Variants in SLC18A2 observed in about 807,000 individuals in gnomAD.
SLC18A2 encodes the protein synaptic vesicular amine transporter.
Under a neutral mutation model 59.2 loss-of-function variants are expected in SLC18A2, and 33 were observed. The ratio of observed to expected loss-of-function variants is 0.56; its 90% CI spans 0.42 to 0.75. The LOEUF is 0.75. Ranked by LOEUF, SLC18A2 falls within the 30% of genes least tolerant of loss-of-function variation. The probability of loss-of-function intolerance (pLI) is 0.00; values close to 1 mark genes in which losing one functional copy is unlikely to be tolerated. For missense variants in SLC18A2, 569 were observed against 668.6 expected (o/e 0.85, Z 1.64); for synonymous variants, 228 against 253.5 (o/e 0.90, Z 0.95).
chr10:117,244,162 C>T lies in SLC18A2; in HGVS notation c.313C>T (p.His105Tyr). 1 of 1,614,218 alleles carries T rather than the reference C, an allele frequency of 6.2e-7. No homozygotes were observed. Among genetic ancestry groups the T allele is most frequent in the South Asian group, 1.1e-5 (1 of 91,088 alleles). ...DLTLHQTATQHMVTNASAVPS... is the reference protein window; with the variant it reads ...DLTLHQTATQYMVTNASAVPS... The stretch of plus-strand genomic sequence containing the variant: ...GACACTTCATCAGACCGCCACACAG[C>T]ACATGGTGACCAACGCGTCCGCTGT... The change falls in exon 3 of 16, where the codon CAC becomes TAC. Residue 105 changes from histidine (H) to tyrosine (Y), a missense_variant. By Grantham distance (83) the His-to-Tyr change is moderately conservative. Transcript: ENST00000644641.
chr10:117,266,089 C>CAAAAAAA (rs35533634), intron 10 of SLC18A2, among the ~76,000 whole-genome samples: 1 of 72,146 alleles, frequency 1.4e-5, no homozygotes. Context: ...GACTCCATCT[C>CAAAAAAA]AAAAAAAAAA....
chr10:117,270,514 C>T (rs754262396), intron 15 of SLC18A2, 51 bp downstream of exon 15: 4 of 1,595,760 alleles, frequency 2.5e-6, no homozygotes, highest in Non-Finnish European at 3.4e-6. Flanking sequence ...TTTAGCATGG[C>T]CTTCCTGATA....
Position 117,255,616 on chromosome 10 carries a change from T to A in SLC18A2, c.854T>A (p.Leu285Gln). 6.2e-7 allele frequency: 1 copy of A among 1,614,024 alleles called. No homozygotes were observed. Among genetic ancestry groups the A allele is most frequent in the Non-Finnish European group, 8.5e-7 (1 of 1,180,004 alleles). The change falls in exon 9 of 16, where the codon CTA becomes CAA. Residue 285 changes from leucine (L) to glutamine (Q), a missense_variant. Coordinates refer to ENST00000644641, the MANE Select transcript of SLC18A2 (RefSeq NM_003054.6). ...TGACAGAGTCAGAAGGGGACACCCCTAACCACGCTGCTGAAGGACCCGTAC... is the reference window on the plus strand; with the variant it reads ...TGACAGAGTCAGAAGGGGACACCCCAAACCACGCTGCTGAAGGACCCGTAC... Reference protein sequence around the residue: ...VQPESQKGTPLTTLLKDPYIL... With the variant: ...VQPESQKGTPQTTLLKDPYIL...
Position 117,277,136 on chromosome 10 carries a change from T to C in SLC18A2, c.1441-26T>C, listed in dbSNP as rs185240716. 1.4e-5 allele frequency: 18 copies of C among 1,242,290 alleles called. No individual in the cohort carries two copies. The Admixed American group carries it at 3.3e-4, about 23-fold the overall frequency. The allele number at this position is 1,242,290 out of a possible 1,614,324, so 77.0% of individuals were successfully genotyped here. A position where few individuals can be genotyped will look rare whatever the true frequency, so the allele number is the denominator to read the frequency against. On this transcript the variant is annotated intron_variant, in intron 15 of 15. Transcript: ENST00000644641. ...TTATCTTTATGAAACAAGAAGTTAATATACTTGCACTTTGCTCTCTTTTAG... is the reference window on the plus strand; with the variant it reads ...TTATCTTTATGAAACAAGAAGTTAACATACTTGCACTTTGCTCTCTTTTAG...
intron 3 of SLC18A2, among the ~76,000 whole-genome samples, chr10:117,251,723 G>A (rs545017028): frequency 1.0e-3 from 156 of 152,310 alleles, no homozygotes; most frequent in African/African-American, 3.4e-3. Flanking sequence ...TATATATGCC[G>A]TTTGGGTACT....
At chr10:117,241,972 C>T (rs1325485728) in intron 2 of SLC18A2, 158 bp downstream of exon 2, 2 of 709,402 alleles carry the variant, frequency 2.8e-6, no homozygotes, top group Non-Finnish European at 4.4e-6. Context: ...GCTGCCGCGC[C>T]GGGGCTAGGA....
intron 6 of SLC18A2, 60 bp downstream of exon 6, chr10:117,254,557 G>T (rs940915315): frequency 7.8e-7 from 1 of 1,280,910 alleles, no homozygotes; most frequent in Non-Finnish European, 1.1e-6. Flanking sequence ...GCTGGACAGC[G>T]GCAGTCCTCG....
chr10:117,259,492 A>G (rs1242859957), intron 10 of SLC18A2, among the ~76,000 whole-genome samples: 1 of 152,148 alleles, frequency 6.6e-6, no homozygotes, highest in Non-Finnish European at 1.5e-5. Flanking sequence ...ATTGCAGAGC[A>G]TAGCCTCCCA....
chr10:117,271,020 A>T (rs1844419702), intron 15 of SLC18A2, among the ~76,000 whole-genome samples: 1 of 152,246 alleles, frequency 6.6e-6, no homozygotes, highest in Non-Finnish European at 1.5e-5. Flanking sequence ...CATAGGCAAG[A>T]TACAGAGTAT....
chr10:117,273,433 C>T (rs1187937227), intron 15 of SLC18A2, among the ~76,000 whole-genome samples: 3 of 152,106 alleles, frequency 2.0e-5, no homozygotes, highest in African/African-American at 7.2e-5. Context: ...CTTAATTTTA[C>T]TCTTGAAGTT....
Position 117,270,186 on chromosome 10 carries a change from T to C in SLC18A2, c.1302T>C (p.Ala434=). Residue 434 remains alanine (A), a synonymous_variant, in exon 14 of 16, where the codon GCT becomes GCC. Coordinates refer to ENST00000644641, the MANE Select transcript of SLC18A2 (RefSeq NM_003054.6). ...IADVAFCMGY[A]IGPSAGGAIA... is the part of the protein sequence containing the mutation. ...ATGTGGCATTTTGTATGGGGTATGC[T>C]ATAGGTAAGGACATTGGCTTTTCAT... is the stretch of plus-strand genomic sequence containing the variant. 2 of 1,614,254 alleles carry C rather than the reference T, an allele frequency of 1.2e-6. No individual in the cohort carries two copies. The highest frequency in any genetic ancestry group is 8.5e-7 in the Non-Finnish European group (1 of 1,180,034).
At chr10:117,274,337 T>C (rs1365076479) in intron 15 of SLC18A2, among the ~76,000 whole-genome samples, 4 of 152,232 alleles carry the variant, frequency 2.6e-5, no homozygotes, top group Admixed American at 2.6e-4. Context: ...GTATGCATGA[T>C]GCCAAATAGT....
chr10:117,264,176 C>G (rs1245559734), intron 10 of SLC18A2, among the ~76,000 whole-genome samples: 2 of 152,222 alleles, frequency 1.3e-5, no homozygotes, highest in African/African-American at 4.8e-5. Context: ...GAAGATCTCC[C>G]TTTGGTGAAC....
At chr10:117,273,607 C>T (rs1331464407) in intron 15 of SLC18A2, among the ~76,000 whole-genome samples, 2 of 152,160 alleles carry the variant, frequency 1.3e-5, no homozygotes, top group African/African-American at 4.8e-5. Context: ...CTGAGATAGA[C>T]CACATTCTGC....
chr10:117,246,934 G>A (rs558604920), intron 3 of SLC18A2, among the ~76,000 whole-genome samples: 3 of 152,334 alleles, frequency 2.0e-5, no homozygotes, highest in East Asian at 1.9e-4. Context: ...GATTACAGGC[G>A]TGAGCCACCG....
At position 117,253,451 on chromosome 10, in the gene SLC18A2, A is replaced by G; in HGVS notation, c.517A>G (p.Thr173Ala). The change falls in exon 4 of 16, where the codon ACA becomes GCA. Residue 173 changes from threonine to alanine, a missense_variant. Coordinates refer to ENST00000644641, the MANE Select transcript of SLC18A2 (RefSeq NM_003054.6). ...FAGFCIMFVS[T>A]IMFAFSSSYA... ...GGGATTCTGCATCATGTTTGTCTCAACAATTAGTAAGTGTGTGGTGTTTTC... is the reference window on the plus strand; with the variant it reads ...GGGATTCTGCATCATGTTTGTCTCAGCAATTAGTAAGTGTGTGGTGTTTTC... The G allele has an allele frequency of 1.9e-6, 3 of 1,608,412 alleles. No individual in the cohort carries two copies. Among genetic ancestry groups the G allele is most frequent in the Non-Finnish European group, 2.6e-6 (3 of 1,176,352 alleles).
intron 10 of SLC18A2, among the ~76,000 whole-genome samples, chr10:117,264,011 C>A (rs1244738048): frequency 1.3e-5 from 2 of 152,182 alleles, no homozygotes; most frequent in African/African-American, 4.8e-5. Flanking sequence ...AGGGAGGGGT[C>A]ATCTTGAGCT....
intron 10 of SLC18A2, 96 bp from the exon 11 acceptor site, chr10:117,266,637 C>T: frequency 1.0e-6 from 1 of 972,764 alleles, no homozygotes; most frequent in Non-Finnish European, 1.6e-6. Flanking sequence ...TTCGTTTTAT[C>T]TGCTCTCATC....
At chr10:117,266,138 G>A (rs1844346442) in intron 10 of SLC18A2, among the ~76,000 whole-genome samples, 1 of 149,458 alleles carries the variant, frequency 6.7e-6, no homozygotes, top group African/African-American at 2.5e-5. Context: ...AAAATGACCA[G>A]GCAGACATTT....
Sources: gnomAD v4.1 joint callset for allele counts (sites outside exome capture counted in the v4.1 genomes callset) on GRCh38, gnomAD v4.1.1 for gene constraint, MANE v1.5 for transcripts, NCBI Gene and HGNC (gene_info 2026-07-23, HGNC 2026-07-21) for gene names.